CACNA2D4: variants seen among roughly 807,000 people sequenced by gnomAD.
The protein encoded by CACNA2D4 is calcium voltage-gated channel auxiliary subunit alpha2delta 4.
CACNA2D4 carries 157 observed loss-of-function variants against 163.8 expected under a neutral mutation model. The observed-to-expected ratio is 0.96, with a 90% CI of 0.84 to 1.09. The LOEUF (loss-of-function observed/expected upper bound fraction) is 1.09, where lower values mean the gene tolerates loss of function less well. CACNA2D4 is among the 50% of genes least tolerant of loss of function. CACNA2D4 has a pLI of 0.00. For synonymous variants in CACNA2D4, 598 were observed against 586.9 expected, an observed-to-expected ratio of 1.02 and a Z score of -0.27; for missense variants, 1,410 against 1,479.9, an observed-to-expected ratio of 0.95 and a Z score of 0.78.
At chr12:1,855,343 C>A (rs138122457) in intron 22 of CACNA2D4, among the ~76,000 whole-genome samples, 1 of 152,102 alleles carries the variant, frequency 6.6e-6, no homozygotes, top group Admixed American at 6.5e-5. Context: ...TCTTCTTATG[C>A]GGGTGACAAT....
chr12:1,852,843 C>T (rs1865315293), intron 23 of CACNA2D4, among the ~76,000 whole-genome samples: 1 of 152,138 alleles, frequency 6.6e-6, no homozygotes. Flanking sequence ...AGCTCTGCCA[C>T]TTTCGAGGCG....
At position 1,869,285 on chromosome 12, in the gene CACNA2D4, G is replaced by A. The variant is rs1865720100; in HGVS notation, c.1878+5319C>T. On this transcript the variant is annotated intron_variant, in intron 18 of 37. Transcript: ENST00000382722. The surrounding 1 kb of genome is among the most constrained non-coding windows in gnomAD (Gnocchi z 4.7). ...ACAGAAGTGCAGCAGTAGCCGTTTT[G>A]CACACTGAAGTCCGCACAGAATACC... Among the ~76,000 whole-genome samples, 1 of 152,218 alleles carries A rather than the reference G, an allele frequency of 6.6e-6. No homozygotes were observed.
intron 23 of CACNA2D4, among the ~76,000 whole-genome samples, chr12:1,850,353 A>T (rs1471814196): frequency 6.6e-6 from 1 of 152,138 alleles, no homozygotes. Context: ...ATATTTTAAG[A>T]CTATTTGAAT....
At chr12:1,822,749 G>A (rs1464574044) in intron 26 of CACNA2D4, among the ~76,000 whole-genome samples, 1 of 152,250 alleles carries the variant, frequency 6.6e-6, no homozygotes, top group East Asian at 1.9e-4. Flanking sequence ...TGGGCAGTGT[G>A]TGTGATGGGG....
chr12:1,878,573 C>G lies in CACNA2D4; in HGVS notation c.1645-184G>C. The G allele has an allele frequency of 8.9e-7, 1 of 1,127,318 alleles. No individual in the cohort carries two copies. The highest frequency in any genetic ancestry group is 1.3e-6 in the Non-Finnish European group (1 of 778,450). 69.8% of individuals were successfully genotyped at this position (1,127,318 alleles called of 1,614,324 possible). On this transcript the variant is annotated intron_variant, in intron 15 of 37. Coordinates refer to ENST00000382722, the MANE Select transcript of CACNA2D4 (RefSeq NM_172364.5). This position sits in a 1 kb window ranked among gnomAD's most constrained non-coding sequence, Gnocchi z 4.6. ...CATTGATTGAGGAGTCCTTTCCAAA[C>G]CGGACTGTTTATAGCAACCGTCATC...
Position 1,904,402 on chromosome 12 carries a change from G to A in CACNA2D4, c.781+3038C>T, listed in dbSNP as rs1010453650. On this transcript the variant is annotated intron_variant, in intron 6 of 37. Transcript: ENST00000382722. ...ATTGTTTGTAACACAAAGGATAAAT[G>A]CTTGAGGCAATGGTATCCCATTTGC... 2.6e-4 allele frequency among the ~76,000 whole-genome samples: 6 copies of A among 23,316 alleles called. No individual in the cohort carries two copies. In the Admixed American group the frequency reaches 3.4e-3, roughly 13 times the overall value. The allele number at this position is 23,316 out of a possible 152,430, so 15.3% of individuals were successfully genotyped here.
intron 26 of CACNA2D4, among the ~76,000 whole-genome samples, chr12:1,838,808 C>CA (rs1864948284): frequency 6.6e-6 from 1 of 152,200 alleles, no homozygotes; most frequent in African/African-American, 2.4e-5. Context: ...GTGGGAGCAG[C>CA]ACAGGCGCAG....
chr12:1,801,353 G>A (rs547531702), intron 30 of CACNA2D4, among the ~76,000 whole-genome samples: 1 of 152,218 alleles, frequency 6.6e-6, no homozygotes, highest in African/African-American at 2.4e-5. Flanking sequence ...TTTCCCTCTA[G>A]GGTCTGAGCT....
chr12:1,805,774 G>A (rs182005582), intron 29 of CACNA2D4, among the ~76,000 whole-genome samples: 19 of 152,352 alleles, frequency 1.2e-4, no homozygotes, highest in Admixed American at 3.3e-4. Context: ...AAGGAGCACC[G>A]CTGCCAGGGC....
chr12:1,807,685 G>C (rs561828446), intron 29 of CACNA2D4, among the ~76,000 whole-genome samples: 1 of 152,100 alleles, frequency 6.6e-6, no homozygotes, highest in African/African-American at 2.4e-5. Context: ...AGTGTCTGCT[G>C]TGTGCCAGGC....
At chr12:1,849,588 T>C (rs1865228748) in intron 23 of CACNA2D4, among the ~76,000 whole-genome samples, 1 of 152,234 alleles carries the variant, frequency 6.6e-6, no homozygotes, top group Non-Finnish European at 1.5e-5. Flanking sequence ...AATTTTGTTT[T>C]ATGATTAGAT....
chr12:1,909,844 C>G, intron 4 of CACNA2D4, 62 bp downstream of exon 4: 1 of 1,462,556 alleles, frequency 6.8e-7, no homozygotes. Flanking sequence ...ATGCCGCCAC[C>G]CCCATATCTG....
At chr12:1,867,460 C>G (rs1201995762) in intron 18 of CACNA2D4, among the ~76,000 whole-genome samples, 2 of 152,076 alleles carry the variant, frequency 1.3e-5, no homozygotes, top group Non-Finnish European at 2.9e-5. Flanking sequence ...AGTTCACTGT[C>G]CCTTTATTCT....
At chr12:1,811,120 C>T (rs918068215) in intron 27 of CACNA2D4, among the ~76,000 whole-genome samples, 5 of 152,172 alleles carry the variant, frequency 3.3e-5, no homozygotes, top group Admixed American at 6.5e-5. Context: ...CAGAGTCAGG[C>T]GGCAGCAGCA....
chr12:1,825,029 T>G (rs1221500360), intron 26 of CACNA2D4, among the ~76,000 whole-genome samples: 1 of 152,212 alleles, frequency 6.6e-6, no homozygotes, highest in East Asian at 1.9e-4. Context: ...TTTCATCACA[T>G]TTCTCTAAAC....
intron 28 of CACNA2D4, 63 bp from the exon 29 acceptor site, chr12:1,810,403 G>C (rs1565677257): frequency 4.5e-5 from 70 of 1,554,284 alleles, no homozygotes; most frequent in Non-Finnish European, 5.8e-5. Flanking sequence ...CCTCCAGCCT[G>C]TCCCCCAGCT....
At chr12:1,851,098 G>A (rs575475868) in intron 23 of CACNA2D4, among the ~76,000 whole-genome samples, 7 of 151,678 alleles carry the variant, frequency 4.6e-5, no homozygotes, top group African/African-American at 1.7e-4. Flanking sequence ...TCACAGGCTG[G>A]TCTTGAACTT....
At position 1,844,614 on chromosome 12, in the gene CACNA2D4, G is replaced by C. The variant is rs1031381968; in HGVS notation, c.2343-85C>G. 2.7e-6 allele frequency: 4 copies of C among 1,464,358 alleles called. No individual in the cohort carries two copies. Among genetic ancestry groups the C allele is most frequent in the Non-Finnish European group, 3.7e-6 (4 of 1,067,398 alleles). 90.7% of individuals were successfully genotyped at this position (1,464,358 alleles called of 1,614,324 possible). A position where few individuals can be genotyped will look rare whatever the true frequency, so the allele number is the denominator to read the frequency against. ...CCTTTTCTCACACAAGGTCAACTTG[G>C]CTGGGCTAAGAGAGTGATTTTAGCC... On this transcript the variant is annotated intron_variant, in intron 24 of 37. Transcript: ENST00000382722. The surrounding 1 kb of genome is among the most constrained non-coding windows in gnomAD (Gnocchi z 4.2).
In CACNA2D4 at chr12:1,793,700, C is replaced by T; in HGVS notation, c.3369G>A (p.Leu1123=). ...SDTSASPPLL[L]LPVCAWGLLP... is the part of the protein sequence containing the mutation. ...GTAGCCCCCAGGCACACACAGGCAG[C>T]AGGAGTAGGGGCGGCGAGGCTGAGG... is the stretch of plus-strand genomic sequence containing the variant. The change falls in exon 38 of 38, where the codon CTG becomes CTA. Residue 1123 remains leucine, a synonymous_variant. Coordinates refer to ENST00000382722, the MANE Select transcript of CACNA2D4 (RefSeq NM_172364.5). 6 of 1,613,760 alleles carry T rather than the reference C, an allele frequency of 3.7e-6. No homozygotes were observed. The highest frequency in any genetic ancestry group is 4.2e-6 in the Non-Finnish European group (5 of 1,179,896).
Sources: allele counts gnomAD v4.1 joint callset (sites outside exome capture counted in the v4.1 genomes callset), GRCh38; gene constraint gnomAD v4.1.1; non-coding constraint Gnocchi (gnomAD v3.1); transcripts MANE v1.5; gene names NCBI Gene and HGNC (gene_info 2026-07-23, HGNC 2026-07-21).